Variants in ATP2B3 observed in about 807,000 individuals in gnomAD.
ATP2B3 encodes ATPase plasma membrane Ca2+ transporting 3.
In ATP2B3, 12 loss-of-function variants were observed where a neutral mutation model predicts 70.8. The observed-to-expected ratio is 0.17, with a 90% CI of 0.11 to 0.27. The LOEUF (loss-of-function observed/expected upper bound fraction) is 0.27. ATP2B3 is among the 10% of genes least tolerant of loss of function. The pLI is 1.00. For missense variants in ATP2B3, 858 were observed against 1,118.5 expected, an observed-to-expected ratio of 0.77 and a Z score of 3.32; for synonymous variants, 460 against 497.8, an observed-to-expected ratio of 0.92 and a Z score of 1.01.
Position 153,582,365 on chromosome X carries a change from G to A in ATP2B3, c.*2067G>A, listed in dbSNP as rs1229087240. On this transcript the variant is annotated 3_prime_UTR_variant, in exon 22 of 22. Transcript: ENST00000263519. Reference sequence around the variant, plus strand: ...TGTTCCCTGATGTCCTTGTTTAAACGATAATAAGAAAAAGGGCAACTCCAT... The same window carrying A: ...TGTTCCCTGATGTCCTTGTTTAAACAATAATAAGAAAAAGGGCAACTCCAT... 1.8e-5 allele frequency: 2 copies of A among 112,711 alleles called. No individual in the cohort carries two copies. The highest frequency in any genetic ancestry group is 3.8e-5 in the Non-Finnish European group (2 of 53,273). The allele number at this position is 112,711 out of a possible 1,213,427, so 9.3% of individuals were successfully genotyped here. A position where few individuals can be genotyped will look rare whatever the true frequency, so the allele number is the denominator to read the frequency against.
At chrX:153,525,279 G>A (rs782530193) in intron 2 of ATP2B3, among the ~76,000 whole-genome samples, 30 of 112,433 alleles carry the variant, frequency 2.7e-4, no homozygotes, top group African/African-American at 9.7e-4. Flanking sequence ...CCCTGAACCG[G>A]GTTAAGGCGC....
At chrX:153,518,260 C>G (rs1405235075) in intron 1 of ATP2B3, among the ~76,000 whole-genome samples, 172 bp from the exon 2 acceptor site, 2 of 112,658 alleles carry the variant, frequency 1.8e-5, no homozygotes, top group Non-Finnish European at 3.8e-5. Flanking sequence ...CCCGGAGCCT[C>G]GGGCACCCCC....
At chrX:153,530,893 C>T (rs1485060997) in intron 2 of ATP2B3, among the ~76,000 whole-genome samples, 3 of 112,663 alleles carry the variant, frequency 2.7e-5, no homozygotes, top group Non-Finnish European at 5.6e-5. Flanking sequence ...CATCCTCCTC[C>T]CTCCACCAGC....
intron 17 of ATP2B3, chrX:153,559,360 A>G: frequency 4.9e-6 from 1 of 203,754 alleles, no homozygotes; most frequent in Non-Finnish European, 9.0e-6. Context: ...CTGAGAAGGA[A>G]GGTCCAGTTC....
rs782538267 is a variant in ATP2B3 at position 153,536,385 on chromosome X, G to C, written c.138G>C (p.Leu46=). The C allele has an allele frequency of 7.5e-6, 9 of 1,205,309 alleles. No homozygotes were observed. The highest frequency in any genetic ancestry group is 1.0e-5 in the Non-Finnish European group (9 of 892,892). Residue 46 remains leucine, a synonymous_variant, in exon 3 of 22, where the codon CTG becomes CTC. Transcript: ENST00000263519. The part of the protein sequence containing the change: ...TLMELRGAEA[L]QKIEEAYGDV... ...TGGAGCTGCGAGGGGCCGAGGCGCT[G>C]CAGAAGATCGAGGAGGCCTACGGGG...
In ATP2B3 at chrX:153,580,355, C is replaced by T. The variant is rs1557022640; in HGVS notation, c.*57C>T. On this transcript the variant is annotated 3_prime_UTR_variant, in exon 22 of 22. Transcript: ENST00000263519. ...ACACTCGGACTCACACGAAGTCACA[C>T]GCACACATGCACGCACACACACATA... The T allele has an allele frequency of 1.5e-5, 16 of 1,068,644 alleles. No individual in the cohort carries two copies. Among genetic ancestry groups the T allele is most frequent in the South Asian group, 4.1e-5 (2 of 48,997 alleles). 88.1% of individuals were successfully genotyped at this position (1,068,644 alleles called of 1,213,427 possible).
rs2090601731 is a variant in ATP2B3, at chrX:153,560,057, C to T, written c.2839+115C>T. ...TCTCCGCACCCAGTACGGGGTGGGA[C>T]GCTGCACTTCCTGACTGGACAGCAC... is the stretch of plus-strand genomic sequence containing the variant. On this transcript the variant is annotated intron_variant, in intron 18 of 21. Transcript: ENST00000263519. The T allele has an allele frequency of 1.7e-5, 13 of 775,267 alleles. 1 individual carries two copies. In the South Asian group the frequency reaches 2.6e-4, roughly 15 times the overall value. The allele number at this position is 775,267 out of a possible 1,213,427, so 63.9% of individuals were successfully genotyped here. A position where few individuals can be genotyped will look rare whatever the true frequency, so the allele number is the denominator to read the frequency against.
At chrX:153,557,885 C>T (rs993129578) in intron 16 of ATP2B3, among the ~76,000 whole-genome samples, 7 of 107,512 alleles carry the variant, frequency 6.5e-5, no homozygotes, top group Non-Finnish European at 9.7e-5. Flanking sequence ...GAGCAAAGCC[C>T]CCCCCCCCAC....
At chrX:153,560,376 G>A (rs1288156384) in intron 18 of ATP2B3, among the ~76,000 whole-genome samples, 5 of 111,783 alleles carry the variant, frequency 4.5e-5, no homozygotes, top group African/African-American at 1.3e-4. Flanking sequence ...GGGGGTGACC[G>A]CAAGAGAGAG....
At chrX:153,559,442 T>C in intron 17 of ATP2B3, 1 of 346,964 alleles carries the variant, frequency 2.9e-6, no homozygotes, top group Non-Finnish European at 5.0e-6. Context: ...TTGCCCCAAA[T>C]GGCAGACCCC....
intron 9 of ATP2B3, 69 bp downstream of exon 9, chrX:153,548,068 T>C: frequency 8.8e-7 from 1 of 1,131,301 alleles, no homozygotes; most frequent in Non-Finnish European, 1.2e-6. Flanking sequence ...CTCCTGGAGA[T>C]GAGCCCAGGC....
At chrX:153,569,153 G>A (rs782576359) in intron 21 of ATP2B3, 16 of 358,909 alleles carry the variant, frequency 4.5e-5, no homozygotes, top group East Asian at 2.3e-4. Flanking sequence ...AGAAGCTGGC[G>A]GAGACGGGCA....
intron 2 of ATP2B3, among the ~76,000 whole-genome samples, chrX:153,526,969 G>A (rs143120582): frequency 0.018 from 2,046 of 112,270 alleles, 52 homozygotes; most frequent in South Asian, 0.13. Flanking sequence ...CATGGGACTC[G>A]TTCCCTAGGA....
chrX:153,569,538 C>T, intron 21 of ATP2B3: 1 of 1,163,089 alleles, frequency 8.6e-7, no homozygotes, highest in Non-Finnish European at 1.2e-6. Flanking sequence ...CTCGCCCAGC[C>T]CTCCCCTCCG....
At chrX:153,543,281 G>A in intron 7 of ATP2B3, 113 bp downstream of exon 7, 1 of 1,004,516 alleles carries the variant, frequency 1.0e-6, no homozygotes, top group Admixed American at 3.7e-5. Context: ...AGCCCAAGTG[G>A]GTGGGAGGCC....
chrX:153,530,676 T>G (rs1370861149), intron 2 of ATP2B3, among the ~76,000 whole-genome samples: 3 of 108,074 alleles, frequency 2.8e-5, no homozygotes, highest in Admixed American at 1.9e-4. Context: ...GGCAGGTGGG[T>G]GCATGCAGGA....
chrX:153,557,123 G>T, intron 16 of ATP2B3, 100 bp downstream of exon 16: 1 of 891,950 alleles, frequency 1.1e-6, no homozygotes, highest in South Asian at 2.4e-5. Flanking sequence ...CCAGTGTCGG[G>T]GCAGGTTACA....
intron 2 of ATP2B3, among the ~76,000 whole-genome samples, chrX:153,526,392 G>A (rs1432119639): frequency 3.6e-5 from 4 of 111,407 alleles, no homozygotes; most frequent in Non-Finnish European, 7.6e-5. Flanking sequence ...GTTGGGTCCC[G>A]GCCTGAGAGG....
At chrX:153,548,173 G>A (rs1023520568) in intron 9 of ATP2B3, among the ~76,000 whole-genome samples, 174 bp downstream of exon 9, 2 of 112,810 alleles carry the variant, frequency 1.8e-5, no homozygotes, top group Non-Finnish European at 3.8e-5. Flanking sequence ...AGGGCCTGGC[G>A]CAGCCCTTCC....
Sources: allele counts gnomAD v4.1 joint callset (sites outside exome capture counted in the v4.1 genomes callset), GRCh38; gene constraint gnomAD v4.1.1; transcripts MANE v1.5; gene names NCBI Gene and HGNC (gene_info 2026-07-23, HGNC 2026-07-21).